DCP1B: variants seen among roughly 807,000 people sequenced by gnomAD.
DCP1B encodes the protein mRNA-decapping enzyme 1B.
DCP1B carries 47 observed loss-of-function variants against 60.5 expected under a neutral mutation model. That is an observed-to-expected ratio of 0.78 (90% CI 0.61 to 0.99). The LOEUF (loss-of-function observed/expected upper bound fraction) is 0.99. Ranked by LOEUF, DCP1B falls within the 50% of genes least tolerant of loss-of-function variation. The probability of loss-of-function intolerance (pLI) is 0.00; values close to 1 mark genes in which losing one functional copy is unlikely to be tolerated. For synonymous variants in DCP1B, 267 were observed against 280.3 expected (o/e 0.95, Z 0.47); for missense variants, 725 against 756.8 (o/e 0.96, Z 0.49).
intron 3 of DCP1B, among the ~76,000 whole-genome samples, chr12:1,987,807 G>A (rs2038232319): frequency 1.3e-5 from 2 of 152,090 alleles, no homozygotes; most frequent in African/African-American, 4.8e-5. Context: ...GAGCTACATG[G>A]TGTACTATGA....
intron 1 of DCP1B, 123 bp from the exon 2 acceptor site, chr12:1,998,098 A>G: frequency 1.3e-6 from 1 of 743,598 alleles, no homozygotes; most frequent in Non-Finnish European, 2.1e-6. Context: ...ACCCAACATG[A>G]GGAGTTATTC....
chr12:1,993,054 C>G (rs530106164), intron 3 of DCP1B: 1 of 712,458 alleles, frequency 1.4e-6, no homozygotes, highest in Non-Finnish European at 2.5e-6. Flanking sequence ...AGGTTTATAT[C>G]ATCATATTTA....
At chr12:1,995,933 C>A (rs1353001306) in intron 2 of DCP1B, among the ~76,000 whole-genome samples, 5 of 152,198 alleles carry the variant, frequency 3.3e-5, no homozygotes, top group African/African-American at 7.2e-5. Context: ...CTACCAGTTC[C>A]AAATCATTAC....
intron 4 of DCP1B, among the ~76,000 whole-genome samples, chr12:1,967,491 T>C (rs755855623): frequency 2.8e-4 from 43 of 152,246 alleles, no homozygotes; most frequent in Non-Finnish European, 4.3e-4. Context: ...ACTTTTAGGA[T>C]GGCTCTGAAT....
chr12:1,955,695 C>T (rs956100801), intron 5 of DCP1B, 135 bp from the exon 6 acceptor site: 2 of 1,029,504 alleles, frequency 1.9e-6, no homozygotes, highest in East Asian at 2.8e-5. Context: ...AAGGAAAATC[C>T]CTTAAATTTC....
At chr12:1,987,034 A>T (rs2038002910) in intron 3 of DCP1B, among the ~76,000 whole-genome samples, 1 of 152,212 alleles carries the variant, frequency 6.6e-6, no homozygotes, top group Non-Finnish European at 1.5e-5. Context: ...AAGCTACAGA[A>T]CCACTCCAGA....
In DCP1B at chr12:1,967,906, G is replaced by T. The variant is rs749865234; in HGVS notation, c.324C>A (p.Ser108=). 3 of 1,611,202 alleles carry T rather than the reference G, an allele frequency of 1.9e-6. No individual in the cohort carries two copies. Among genetic ancestry groups the T allele is most frequent in the Non-Finnish European group, 2.5e-6 (3 of 1,179,242 alleles). ...PFLLYRNARL[S]IYGIWFYDKE... ...TATCATAAAACCAAATTCCATAGAT[G>T]GACACTGCAAAAAACACACATCAAA... The change falls in exon 4 of 9, where the codon TCC becomes TCA. Residue 108 remains serine, a synonymous_variant. Coordinates refer to ENST00000280665, the MANE Select transcript of DCP1B (RefSeq NM_152640.5).
chr12:1,958,427 T>C (rs1313793068), intron 5 of DCP1B, among the ~76,000 whole-genome samples: 16 of 115,348 alleles, frequency 1.4e-4, no homozygotes, highest in East Asian at 6.9e-4. Context: ...ATAAACCTCC[T>C]GGAAGGAAAC....
At chr12:1,989,420 G>A (rs1461182096) in intron 3 of DCP1B, among the ~76,000 whole-genome samples, 1 of 151,858 alleles carries the variant, frequency 6.6e-6, no homozygotes. Context: ...GAAAGGGAAA[G>A]GGAAAGGAAA....
chr12:1,973,467 C>G (rs919362662), intron 3 of DCP1B, among the ~76,000 whole-genome samples: 1 of 152,168 alleles, frequency 6.6e-6, no homozygotes, highest in Non-Finnish European at 1.5e-5. Flanking sequence ...TATGTACTCT[C>G]CAACTATAAA....
rs575537382 is a variant in DCP1B, at chr12:1,972,719, C to T, written c.320-4809G>A. The stretch of plus-strand genomic sequence containing the variant: ...TTGTTTTTACATATTGGATTGAGTT[C>T]TAGGCTTGGTTATAAAAGACTGGAA... On this transcript the variant is annotated intron_variant, in intron 3 of 8. Coordinates refer to ENST00000280665, the MANE Select transcript of DCP1B (RefSeq NM_152640.5). Among the ~76,000 whole-genome samples, 13 of 151,712 alleles carry T rather than the reference C, an allele frequency of 8.6e-5. No homozygotes were observed. In the South Asian group the frequency reaches 2.7e-3, roughly 32 times the overall value.
chr12:1,945,551 A>G (rs891686423), downstream of DCP1B, among the ~76,000 whole-genome samples: 15 of 152,202 alleles, frequency 9.9e-5, no homozygotes, highest in Non-Finnish European at 1.2e-4. Flanking sequence ...TAATCAAAGG[A>G]TTATCATTCC....
intron 3 of DCP1B, chr12:1,992,864 A>G: frequency 4.6e-6 from 2 of 431,526 alleles, no homozygotes; most frequent in South Asian, 3.9e-5. Flanking sequence ...CACTCGGCCA[A>G]AAGTGATACA....
intron 5 of DCP1B, 86 bp from the exon 6 acceptor site, chr12:1,955,646 T>C (rs2030858613): frequency 4.2e-6 from 6 of 1,437,350 alleles, no homozygotes; most frequent in Non-Finnish European, 4.7e-6. Context: ...TCTTATCTAA[T>C]TGGTAGACGG....
At chr12:1,998,064 A>G (rs1276198203) in intron 1 of DCP1B, 89 bp from the exon 2 acceptor site, 18 of 1,219,782 alleles carry the variant, frequency 1.5e-5, no homozygotes, top group Non-Finnish European at 2.1e-5. Context: ...TAGGAATTAT[A>G]TATAACTTCA....
chr12:1,997,937 T>G lies in DCP1B; in HGVS notation c.189A>C (p.Thr63=). The G allele has an allele frequency of 1.9e-6, 3 of 1,606,998 alleles. No individual in the cohort carries two copies. The highest frequency in any genetic ancestry group is 2.5e-6 in the Non-Finnish European group (3 of 1,176,884). The change falls in exon 2 of 9, where the codon ACA becomes ACC. Residue 63 remains threonine (T), a splice_region_variant and synonymous_variant. Transcript: ENST00000280665. Reference sequence around the variant, plus strand: ...TTATAAAAGTGAAACACTCTTACCTTGTATAAACAAATAAGGTTCCTTCCA... The same window carrying G: ...TTATAAAAGTGAAACACTCTTACCTGGTATAAACAAATAAGGTTCCTTCCA... The part of the protein sequence containing the change: ...TDVEGTLFVY[T]RSASPKHGFT...
intron 1 of DCP1B, among the ~76,000 whole-genome samples, chr12:2,001,566 G>T (rs577514064): frequency 3.3e-5 from 5 of 152,246 alleles, no homozygotes; most frequent in African/African-American, 1.2e-4. Flanking sequence ...ATTATTCTCA[G>T]TTAAAATAAT....
chr12:1,988,590 C>T (rs1278402673), intron 3 of DCP1B, among the ~76,000 whole-genome samples: 2 of 152,282 alleles, frequency 1.3e-5, no homozygotes, highest in South Asian at 2.1e-4. Flanking sequence ...CTATCTCTTT[C>T]GTAAAATGGA....
intron 3 of DCP1B, among the ~76,000 whole-genome samples, chr12:1,990,679 T>C (rs2039140803): frequency 6.6e-6 from 1 of 152,148 alleles, no homozygotes; most frequent in Non-Finnish European, 1.5e-5. Context: ...GACAGAGAGA[T>C]TCTTGACTAT....
Sources: allele counts gnomAD v4.1 joint callset (sites outside exome capture counted in the v4.1 genomes callset), GRCh38; gene constraint gnomAD v4.1.1; transcripts MANE v1.5; gene names NCBI Gene and HGNC (gene_info 2026-07-23, HGNC 2026-07-21).